Variants in TRIM25 observed in about 807,000 individuals in gnomAD.
TRIM25 encodes the protein tripartite motif containing 25, also known as E3 ubiquitin/ISG15 ligase TRIM25.
In TRIM25, 45 loss-of-function variants were observed where a neutral mutation model predicts 65.2. The ratio of observed to expected loss-of-function variants is 0.69; its 90% CI spans 0.54 to 0.89. The LOEUF (loss-of-function observed/expected upper bound fraction) is 0.89. Among genes scored for constraint, TRIM25 ranks in the 40% least tolerant of loss-of-function variants. TRIM25 has a pLI of 0.00. For missense variants in TRIM25, 714 were observed against 803.7 expected (o/e 0.89, Z 1.35); for synonymous variants, 321 against 340.4 (o/e 0.94, Z 0.63).
chr17:56,904,574 C>T, intron 2 of TRIM25, 86 bp from the exon 3 acceptor site: 1 of 1,222,918 alleles, frequency 8.2e-7, no homozygotes, highest in Non-Finnish European at 1.2e-6. Context: ...ATGTGGAGTT[C>T]CAGGAACTCT....
chr17:56,899,026 G>T, intron 5 of TRIM25, 89 bp downstream of exon 5: 1 of 1,488,594 alleles, frequency 6.7e-7, no homozygotes, highest in Non-Finnish European at 9.3e-7. Context: ...GCCCCACAGT[G>T]ACTCGGGATG....
At chr17:56,901,857 G>A (rs1435331488) in intron 3 of TRIM25, among the ~76,000 whole-genome samples, 5 of 152,040 alleles carry the variant, frequency 3.3e-5, no homozygotes, top group Non-Finnish European at 7.4e-5. Context: ...AGACACAGCT[G>A]GGACTGAGAT....
intron 8 of TRIM25, among the ~76,000 whole-genome samples, chr17:56,892,706 A>G (rs950279151): frequency 1.3e-5 from 2 of 152,108 alleles, no homozygotes; most frequent in African/African-American, 4.8e-5. Flanking sequence ...TCTATCATCT[A>G]TCAGTCATCC....
rs756719834 is a variant in TRIM25 at position 56,891,755 on chromosome 17, G to A, written c.1838C>T (p.Pro613Leu). The A allele has an allele frequency of 5.8e-5, 94 of 1,614,156 alleles. No individual in the cohort carries two copies. The highest frequency in any genetic ancestry group is 7.6e-5 in the Non-Finnish European group (90 of 1,180,018). ...FRVDFTEALYPAFWVFSAGAT... is the reference protein window; with the variant it reads ...FRVDFTEALYLAFWVFSAGAT... ...ACCAGCAGAAAATACCCAGAAAGCC[G>A]GGTACAAAGCCTCAGTAAAGTCCAC... is the stretch of plus-strand genomic sequence containing the variant. The change falls in exon 9 of 9, where the codon CCG (proline) becomes CTG (leucine). Residue 613 changes from proline (P) to leucine (L), a missense_variant. By Grantham distance (98) the Pro-to-Leu change is moderately conservative (BLOSUM62 -3). Coordinates refer to ENST00000316881, the MANE Select transcript of TRIM25 (RefSeq NM_005082.5).
chr17:56,895,705 G>A (rs972919078), intron 6 of TRIM25, 101 bp from the exon 7 acceptor site: 2 of 1,311,230 alleles, frequency 1.5e-6, no homozygotes, highest in African/African-American at 1.5e-5. Flanking sequence ...CGCCTGAACA[G>A]CAGGACAACA....
chr17:56,912,047 A>G (rs1909641324), intron 1 of TRIM25: 1 of 148,904 alleles, frequency 6.7e-6, no homozygotes, highest in South Asian at 2.1e-4. Context: ...AAAAGAAAAG[A>G]AAAAAAAAGC....
At chr17:56,911,512 G>A (rs1261715030) in intron 1 of TRIM25, among the ~76,000 whole-genome samples, 6 of 151,762 alleles carry the variant, frequency 4.0e-5, no homozygotes, top group African/African-American at 1.5e-4. Context: ...CTCGGGAGGT[G>A]GAGGTTGCAG....
In TRIM25 at chr17:56,892,063, C is replaced by A; in HGVS notation, c.1530G>T (p.Gly510=). The A allele has an allele frequency of 1.9e-6, 3 of 1,614,186 alleles. No individual in the cohort carries two copies. Among genetic ancestry groups the A allele is most frequent in the Non-Finnish European group, 2.5e-6 (3 of 1,180,016 alleles). The change falls in exon 9 of 9, where the codon GGG becomes GGT. Residue 510 remains glycine (G), a synonymous_variant. Coordinates refer to ENST00000316881, the MANE Select transcript of TRIM25 (RefSeq NM_005082.5). The stretch of plus-strand genomic sequence containing the variant: ...GCAGCTCCACCTCCCAGTAGTGGAT[C>A]CCCTTCTTGTAGCAGTGCAGGCCCA... ...QVLGLHCYKK[G]IHYWEVELQK...
chr17:56,908,734 T>C, intron 1 of TRIM25, 171 bp from the exon 2 acceptor site: 1 of 634,074 alleles, frequency 1.6e-6, no homozygotes, highest in Non-Finnish European at 2.8e-6. Context: ...TTTTGAAGCA[T>C]TCTAATACTT....
chr17:56,892,288 C>A, intron 8 of TRIM25, 59 bp from the exon 9 acceptor site: 1 of 1,518,170 alleles, frequency 6.6e-7, no homozygotes, highest in Non-Finnish European at 8.8e-7. Context: ...TCTTTTAGAC[C>A]TTTGCCAAAG....
At chr17:56,908,703 G>A (rs939838526) in intron 1 of TRIM25, 140 bp from the exon 2 acceptor site, 13 of 754,102 alleles carry the variant, frequency 1.7e-5, no homozygotes, top group East Asian at 5.4e-5. Flanking sequence ...CCTGTCACCC[G>A]AGTCTTGCCT....
intron 6 of TRIM25, 61 bp from the exon 7 acceptor site, chr17:56,895,665 C>T (rs1446511328): frequency 2.0e-5 from 30 of 1,487,196 alleles, no homozygotes; most frequent in Admixed American, 6.7e-5. Flanking sequence ...CTCCCTTCCA[C>T]ACTGATTAAG....
chr17:56,906,498 A>AT (rs11396918), intron 2 of TRIM25, among the ~76,000 whole-genome samples: 33,984 of 148,590 alleles, frequency 0.23, 4,196 homozygotes, highest in African/African-American at 0.33. Flanking sequence ...CTTCGCCAAT[A>AT]TTTTTTTTTT....
chr17:56,898,878 A>G, intron 5 of TRIM25: 1 of 523,760 alleles, frequency 1.9e-6, no homozygotes, highest in Non-Finnish European at 3.4e-6. Flanking sequence ...AATATTTCTC[A>G]AAACAAGCCA....
chr17:56,892,827 A>G (rs1030055283), intron 8 of TRIM25, among the ~76,000 whole-genome samples: 1 of 152,224 alleles, frequency 6.6e-6, no homozygotes, highest in African/African-American at 2.4e-5. Context: ...GCCGGGCCTC[A>G]TGGAGTTCAC....
chr17:56,891,656 C>G lies in TRIM25; in HGVS notation c.*44G>C. On this transcript the variant is annotated 3_prime_UTR_variant, in exon 9 of 9. Coordinates refer to ENST00000316881, the MANE Select transcript of TRIM25 (RefSeq NM_005082.5). ...CTGCCTGCTGTATTTTCACTAGGGT[C>G]TTGGGACTTCTGCAGGCAGTCAGCC... is the stretch of plus-strand genomic sequence containing the variant. The G allele has an allele frequency of 6.6e-7, 1 of 1,516,778 alleles. No homozygotes were observed. Among genetic ancestry groups the G allele is most frequent in the Non-Finnish European group, 8.9e-7 (1 of 1,123,002 alleles). 94.0% of individuals were successfully genotyped at this position (1,516,778 alleles called of 1,614,324 possible). A position where few individuals can be genotyped will look rare whatever the true frequency, so the allele number is the denominator to read the frequency against.
chr17:56,897,100 G>A (rs942360239), intron 5 of TRIM25, among the ~76,000 whole-genome samples: 20 of 152,082 alleles, frequency 1.3e-4, no homozygotes, highest in African/African-American at 3.9e-4. Flanking sequence ...GCAAAAGAGC[G>A]AGACTCTGTC....
chr17:56,908,735 TCTAATA>T, intron 1 of TRIM25, 172 bp from the exon 2 acceptor site: 1 of 634,188 alleles, frequency 1.6e-6, no homozygotes, highest in Non-Finnish European at 2.8e-6. Context: ...TTTGAAGCAT[TCTAATA>T]CTTACTACTT....
At chr17:56,893,321 A>T (rs762695777) in intron 8 of TRIM25, among the ~76,000 whole-genome samples, 1 of 152,190 alleles carries the variant, frequency 6.6e-6, no homozygotes, top group African/African-American at 2.4e-5. Flanking sequence ...AAAGGCCCTA[A>T]GTTGATAGAA....
Sources: allele counts gnomAD v4.1 joint callset (sites outside exome capture counted in the v4.1 genomes callset), GRCh38; gene constraint gnomAD v4.1.1; transcripts MANE v1.5; gene names NCBI Gene and HGNC (gene_info 2026-07-23, HGNC 2026-07-21).